The following SPTBN5 variants were observed in gnomAD, a reference collection of about 807,000 sequenced individuals.
The protein encoded by SPTBN5 is spectrin beta chain, non-erythrocytic 5.
SPTBN5 carries 513 observed loss-of-function variants against 477.6 expected under a neutral mutation model. The ratio of observed to expected loss-of-function variants is 1.07; its 90% CI spans 1.00 to 1.16. The LOEUF is 1.16. SPTBN5 is among the 50% of genes most tolerant of loss of function. SPTBN5 has a pLI of 0.00. For missense variants in SPTBN5, 5,062 were observed against 4,731.8 expected (o/e 1.07, Z -2.05); for synonymous variants, 2,169 against 2,011.7 (o/e 1.08, Z -2.09).
At chr15:41,879,895 G>C in intron 14 of SPTBN5, 31 bp from the exon 15 acceptor site, 1 of 1,612,846 alleles carries the variant, frequency 6.2e-7, no homozygotes, top group Non-Finnish European at 8.5e-7. Flanking sequence ...GCCCTCTTGG[G>C]GGACTTTTTC....
Position 41,882,303 on chromosome 15 carries a change from C to T in SPTBN5, c.2213G>A (p.Gly738Asp). 6.6e-7 allele frequency: 1 copy of T among 1,520,764 alleles called. No homozygotes were observed. The allele number at this position is 1,520,764 out of a possible 1,614,324, so 94.2% of individuals were successfully genotyped here. ...CAGCAGGGCTGTCTGCAGCCGTGCG[C>T]CCCGCCCCACCACCCGGGTCTGGAG... ...QLLQTRVVGR[G>D]ARLQTALLVL... is the part of the protein sequence containing the mutation. The change falls in exon 11 of 68, where the codon GGC becomes GAC. Residue 738 changes from glycine (G) to aspartate (D), a missense_variant. Physicochemically the swap from Gly to Asp is moderately conservative, Grantham distance 94. Coordinates refer to ENST00000320955, the MANE Select transcript of SPTBN5 (RefSeq NM_016642.4).
chr15:41,882,191 A>C, intron 11 of SPTBN5, 46 bp from the exon 12 acceptor site: 2 of 1,490,512 alleles, frequency 1.3e-6, no homozygotes, highest in South Asian at 2.6e-5. Flanking sequence ...GGCGCGGCTG[A>C]GCGCGGGCAG....
At chr15:41,868,724 G>A (rs971606237) in intron 32 of SPTBN5, 123 bp from the exon 33 acceptor site, 1 of 884,550 alleles carries the variant, frequency 1.1e-6, no homozygotes. Flanking sequence ...CCTGGGTCAG[G>A]GCCTCGGGTG....
rs1009321768 is a variant in SPTBN5 at position 41,882,778 on chromosome 15, G to A, written c.1893-40C>T. 10 of 1,590,610 alleles carry A rather than the reference G, an allele frequency of 6.3e-6. No homozygotes were observed. The African/African-American group carries it at 1.2e-4, about 19-fold the overall frequency. ...GGGCCACCGAAGGACATGGGGAGTCGTGAGGCATGGGCAGTGGGTTCCCCT... is the reference window on the plus strand; with the variant it reads ...GGGCCACCGAAGGACATGGGGAGTCATGAGGCATGGGCAGTGGGTTCCCCT... On this transcript the variant is annotated intron_variant, in intron 9 of 67. Transcript: ENST00000320955.
At chr15:41,893,720 T>C in intron 1 of SPTBN5, 174 bp from the exon 2 acceptor site, 1 of 740,646 alleles carries the variant, frequency 1.4e-6, no homozygotes, top group Non-Finnish European at 2.1e-6. Context: ...CAGGGCCCCC[T>C]TTGCCCCACC....
chr15:41,860,707 A>G lies in SPTBN5; in HGVS notation c.7867T>C (p.Trp2623Arg), dbSNP rs1284049357. The G allele has an allele frequency of 6.3e-7, 1 of 1,599,274 alleles. No homozygotes were observed. Among genetic ancestry groups the G allele is most frequent in the Non-Finnish European group, 8.5e-7 (1 of 1,173,740 alleles). ...TTTCCCGCCTGCACCTCCAGGTCCC[A>G]CTCCAGCATCTTGTGCTTCCACAGA... ...PLLWKHKMLE[W>R]DLEVQAGKIS... Residue 2623 changes from tryptophan (W) to arginine (R), a missense_variant, in exon 47 of 68, where the codon TGG becomes CGG. Physicochemically the swap from Trp to Arg is moderately radical, Grantham distance 101. Transcript: ENST00000320955.
At chr15:41,890,289 G>A (rs748246161) in intron 3 of SPTBN5, 84 bp from the exon 4 acceptor site, 21 of 883,048 alleles carry the variant, frequency 2.4e-5, no homozygotes, top group Admixed American at 2.0e-4. Context: ...GGCCAGCTGC[G>A]GGATGGGAGC....
intron 48 of SPTBN5, 27 bp downstream of exon 48, chr15:41,858,863 C>A: frequency 1.3e-6 from 2 of 1,554,374 alleles, no homozygotes; most frequent in Non-Finnish European, 1.7e-6. Context: ...CCCACCATGA[C>A]CGCCTCCCTC....
chr15:41,855,598 G>T lies in SPTBN5; in HGVS notation c.9169C>A (p.Arg3057=), dbSNP rs777870760. Residue 3057 remains arginine, a synonymous_variant, in exon 54 of 68, where the codon CGG becomes AGG. Coordinates refer to ENST00000320955, the MANE Select transcript of SPTBN5 (RefSeq NM_016642.4). The part of the protein sequence containing the change: ...DLEAFSPRIE[R]LQQTAALLES... ...AGGAGTGCTGCTGTCTGCTGCAGCCGCTCGATGCGTGGGCTGAACGCTTCC... is the reference window on the plus strand; with the variant it reads ...AGGAGTGCTGCTGTCTGCTGCAGCCTCTCGATGCGTGGGCTGAACGCTTCC... 6.2e-7 allele frequency: 1 copy of T among 1,611,692 alleles called. No individual in the cohort carries two copies. The highest frequency in any genetic ancestry group is 8.5e-7 in the Non-Finnish European group (1 of 1,179,750).
intron 39 of SPTBN5, among the ~76,000 whole-genome samples, chr15:41,864,328 G>A (rs2066224598): frequency 6.6e-6 from 1 of 152,150 alleles, no homozygotes; most frequent in African/African-American, 2.4e-5. Context: ...CACTAACAGA[G>A]ACTCTTGAGA....
At chr15:41,877,629 C>T (rs1209079629) in intron 17 of SPTBN5, among the ~76,000 whole-genome samples, 1 of 152,252 alleles carries the variant, frequency 6.6e-6, no homozygotes, top group Non-Finnish European at 1.5e-5. Flanking sequence ...GCCACAAAAG[C>T]ACCTGACCGC....
chr15:41,893,674 G>T, intron 1 of SPTBN5, 128 bp from the exon 2 acceptor site: 1 of 1,192,712 alleles, frequency 8.4e-7, no homozygotes, highest in Non-Finnish European at 1.1e-6. Flanking sequence ...AGCCAGGTAA[G>T]GGCCAGTGCT....
chr15:41,849,006 G>A (rs1367744958), intron 67 of SPTBN5, among the ~76,000 whole-genome samples: 1 of 152,194 alleles, frequency 6.6e-6, no homozygotes. Flanking sequence ...GGAGCAGATG[G>A]TTACACTGGA....
chr15:41,854,974 C>T lies in SPTBN5; in HGVS notation c.9426G>A (p.Val3142=), dbSNP rs1380940840. The T allele has an allele frequency of 7.1e-6, 11 of 1,539,992 alleles. No homozygotes were observed. The highest frequency in any genetic ancestry group is 2.3e-5 in the East Asian group (1 of 43,812). ...DYGQDLEGVK[V]LEEKFDAFRK... Reference sequence around the variant, plus strand: ...TGAAAGCATCAAACTTCTCTTCCAGCACCTGCAAAGGTATGAGGCCCAGCA... The same window carrying T: ...TGAAAGCATCAAACTTCTCTTCCAGTACCTGCAAAGGTATGAGGCCCAGCA... Residue 3142 remains valine, a splice_region_variant and synonymous_variant, in exon 56 of 68, where the codon GTG becomes GTA. Coordinates refer to ENST00000320955, the MANE Select transcript of SPTBN5 (RefSeq NM_016642.4).
intron 26 of SPTBN5, 123 bp from the exon 27 acceptor site, chr15:41,872,582 C>G (rs1567211195): frequency 5.9e-6 from 6 of 1,019,504 alleles, no homozygotes; most frequent in Non-Finnish European, 8.5e-6. Context: ...GCCCATCCAT[C>G]TACCTCAACT....
In SPTBN5 at chr15:41,872,478, C is replaced by A; in HGVS notation, c.5008-19G>T. On this transcript the variant is annotated intron_variant, in intron 26 of 67. Coordinates refer to ENST00000320955, the MANE Select transcript of SPTBN5 (RefSeq NM_016642.4). The stretch of plus-strand genomic sequence containing the variant: ...GTAGAGCCTATGATGCATGAGGACC[C>A]ATGCCAGGCTCAGCCTGGGTGACTC... 1 of 1,545,016 alleles carries A rather than the reference C, an allele frequency of 6.5e-7. No homozygotes were observed. Among genetic ancestry groups the A allele is most frequent in the Non-Finnish European group, 8.7e-7 (1 of 1,143,236 alleles).
In SPTBN5 at chr15:41,877,278, C is replaced by T; in HGVS notation, c.3549G>A (p.Leu1183=). The T allele has an allele frequency of 6.2e-7, 1 of 1,613,816 alleles. No individual in the cohort carries two copies. Among genetic ancestry groups the T allele is most frequent in the Non-Finnish European group, 8.5e-7 (1 of 1,179,826 alleles). Residue 1183 remains leucine, a synonymous_variant, in exon 18 of 68, where the codon CTG becomes CTA. Transcript: ENST00000320955. ...CPDSQEVPNT[L]RVLGQQGQEL... ...CCTGGCCCTGCTGCCCCAGGACCCT[C>T]AGAGTGTTGGGCACCTCTTGGGAGT...
chr15:41,884,221 C>T (rs1018930301), intron 7 of SPTBN5, among the ~76,000 whole-genome samples: 6 of 151,856 alleles, frequency 4.0e-5, no homozygotes, highest in East Asian at 2.0e-4. Context: ...CTCTTGACCT[C>T]GTGATCTGCC....
At chr15:41,892,784 A>C in intron 3 of SPTBN5, 110 bp downstream of exon 3, 1 of 1,284,752 alleles carries the variant, frequency 7.8e-7, no homozygotes, top group South Asian at 1.5e-5. Flanking sequence ...CTCAGGCCCC[A>C]GCTCCTCTGT....
Sources: gnomAD v4.1 joint callset for allele counts (sites outside exome capture counted in the v4.1 genomes callset) on GRCh38, gnomAD v4.1.1 for gene constraint, MANE v1.5 for transcripts, NCBI Gene and HGNC (gene_info 2026-07-23, HGNC 2026-07-21) for gene names.